The following IL1RAPL2 variants were observed in gnomAD, a reference collection of about 807,000 sequenced individuals.
IL1RAPL2 encodes X-linked interleukin-1 receptor accessory protein-like 2.
Under a neutral mutation model 44.1 loss-of-function variants are expected in IL1RAPL2, and 3 were observed. That is an observed-to-expected ratio of 0.07 (90% CI 0.03 to 0.18). The LOEUF (loss-of-function observed/expected upper bound fraction) is 0.18. Ranked by LOEUF, IL1RAPL2 falls within the 10% of genes least tolerant of loss-of-function variation. IL1RAPL2 has a pLI of 1.00. For synonymous variants in IL1RAPL2, 181 were observed against 178.8 expected (o/e 1.01, Z -0.10); for missense variants, 391 against 496.4 (o/e 0.79, Z 2.02).
chrX:104,747,274 T>C (rs999439053), intron 2 of IL1RAPL2, among the ~76,000 whole-genome samples: 2 of 111,632 alleles, frequency 1.8e-5, no homozygotes, highest in Non-Finnish European at 3.8e-5. Flanking sequence ...TTCCTTTATG[T>C]GTATTCCTGT....
intron 6 of IL1RAPL2, among the ~76,000 whole-genome samples, chrX:105,646,426 G>A (rs1453922300): frequency 9.0e-6 from 1 of 111,727 alleles, no homozygotes; most frequent in Non-Finnish European, 1.9e-5. Context: ...AGAGATAGCC[G>A]TTTTAGGAGC....
At chrX:105,523,443 G>C (rs1423099260) in intron 6 of IL1RAPL2, among the ~76,000 whole-genome samples, 1 of 111,243 alleles carries the variant, frequency 9.0e-6, no homozygotes, top group Non-Finnish European at 1.9e-5. Context: ...CACAGAGCCT[G>C]GTACATACTA....
At chrX:105,540,988 T>A (rs997107899) in intron 6 of IL1RAPL2, among the ~76,000 whole-genome samples, 1 of 85,858 alleles carries the variant, frequency 1.2e-5, no homozygotes, top group African/African-American at 4.0e-5. Flanking sequence ...TATATATATA[T>A]ATATAAAATC....
At chrX:105,751,486 CTGATA>C (rs772621943) in intron 9 of IL1RAPL2, among the ~76,000 whole-genome samples, 60 of 111,302 alleles carry the variant, frequency 5.4e-4, no homozygotes, top group Non-Finnish European at 9.4e-4. Context: ...TAATTTTATG[CTGATA>C]TGATATAATT....
intron 5 of IL1RAPL2, among the ~76,000 whole-genome samples, chrX:105,299,117 AATAC>A (rs1353805326): frequency 8.9e-6 from 1 of 111,896 alleles, no homozygotes; most frequent in Admixed American, 9.5e-5. Flanking sequence ...TTGTTGTTAT[AATAC>A]ATATAAGATC....
At chrX:104,906,566 T>G (rs756597425) in intron 2 of IL1RAPL2, among the ~76,000 whole-genome samples, 10 of 112,104 alleles carry the variant, frequency 8.9e-5, no homozygotes, top group African/African-American at 2.3e-4. Flanking sequence ...GAGATAATCA[T>G]GTGGTTTTTG....
intron 1 of IL1RAPL2, among the ~76,000 whole-genome samples, chrX:104,654,445 G>GA (rs1015261830): frequency 2.8e-5 from 3 of 108,075 alleles, no homozygotes; most frequent in East Asian, 2.9e-4. Context: ...ACACCGTGGG[G>GA]AAAAAAAAAT....
At position 105,764,714 on chromosome X, in the gene IL1RAPL2, G is replaced by T. The variant is rs1250897253; in HGVS notation, c.1364-2250G>T. Reference sequence around the variant, plus strand: ...CTAGCTACTGAGGAGGCTGAGGCAGGAGGATTGCTTGAGATCAAGAGGTCG... The same window carrying T: ...CTAGCTACTGAGGAGGCTGAGGCAGTAGGATTGCTTGAGATCAAGAGGTCG... On this transcript the variant is annotated intron_variant, in intron 10 of 10. Coordinates refer to ENST00000372582, the MANE Select transcript of IL1RAPL2 (RefSeq NM_017416.2). 4.1e-4 allele frequency among the ~76,000 whole-genome samples: 46 copies of T among 111,256 alleles called. No individual in the cohort carries two copies. The Admixed American group carries it at 4.4e-3, about 11-fold the overall frequency.
At chrX:105,029,905 C>T (rs1354751545) in intron 2 of IL1RAPL2, among the ~76,000 whole-genome samples, 1 of 111,450 alleles carries the variant, frequency 9.0e-6, no homozygotes, top group Non-Finnish European at 1.9e-5. Flanking sequence ...ACATCCTCTC[C>T]AGAACCTGTT....
rs1035111172 is a variant in IL1RAPL2 at position 105,422,940 on chromosome X, T to C, written c.698-61373T>C. ...GAGGACCAAAACAAGACAACAATTGTCTGCAGATGACAAAAAGTTTTAGGG... is the reference window on the plus strand; with the variant it reads ...GAGGACCAAAACAAGACAACAATTGCCTGCAGATGACAAAAAGTTTTAGGG... On this transcript the variant is annotated intron_variant, in intron 5 of 10. Coordinates refer to ENST00000372582, the MANE Select transcript of IL1RAPL2 (RefSeq NM_017416.2). Among the ~76,000 whole-genome samples the C allele has an allele frequency of 2.5e-4, 28 of 111,210 alleles. 1 individual carries two copies. In the Admixed American group the frequency reaches 2.6e-3, roughly 10 times the overall value.
intron 5 of IL1RAPL2, among the ~76,000 whole-genome samples, chrX:105,347,636 C>T (rs1475921695): frequency 9.1e-6 from 1 of 110,164 alleles, no homozygotes; most frequent in Non-Finnish European, 1.9e-5. Context: ...ACCTGGGCTA[C>T]CTGGTTACGG....
chrX:105,297,100 G>A (rs897639715), intron 5 of IL1RAPL2, among the ~76,000 whole-genome samples: 10 of 112,301 alleles, frequency 8.9e-5, no homozygotes, highest in African/African-American at 3.2e-4. Context: ...CTGAAGAGGT[G>A]ACATTTGGGC....
intron 3 of IL1RAPL2, among the ~76,000 whole-genome samples, chrX:105,207,230 T>TA (rs1327886884): frequency 4.6e-5 from 5 of 108,686 alleles, no homozygotes; most frequent in South Asian, 7.9e-4. Flanking sequence ...CAGAGGGTAC[T>TA]AAAAAAAAAG....
intron 2 of IL1RAPL2, among the ~76,000 whole-genome samples, chrX:104,722,826 A>C (rs1227491573): frequency 8.9e-6 from 1 of 112,008 alleles, no homozygotes; most frequent in East Asian, 2.8e-4. Flanking sequence ...GGAAACCAGC[A>C]GAATCTGACG....
chrX:104,863,285 G>A (rs754533005), intron 2 of IL1RAPL2, among the ~76,000 whole-genome samples: 1 of 111,673 alleles, frequency 9.0e-6, no homozygotes, highest in Non-Finnish European at 1.9e-5. Context: ...CCAGCCAGTT[G>A]ATAAATGTGG....
chrX:105,031,408 G>A (rs1277002556), intron 2 of IL1RAPL2, among the ~76,000 whole-genome samples: 2 of 111,275 alleles, frequency 1.8e-5, no homozygotes, highest in Non-Finnish European at 3.8e-5. Flanking sequence ...ACTATTTTGA[G>A]ATATGTTCCA....
At chrX:105,022,416 C>T (rs748470415) in intron 2 of IL1RAPL2, among the ~76,000 whole-genome samples, 188 of 111,492 alleles carry the variant, frequency 1.7e-3, no homozygotes, top group African/African-American at 5.9e-3. Context: ...CTAAAGGATT[C>T]ACAGTCACAC....
intron 8 of IL1RAPL2, among the ~76,000 whole-genome samples, chrX:105,744,926 C>T (rs774406866): frequency 4.6e-4 from 52 of 111,850 alleles, no homozygotes; most frequent in African/African-American, 1.5e-3. Flanking sequence ...GAATCTCTCT[C>T]TCTTCATTCT....
At chrX:105,282,029 G>A (rs1227575142) in intron 5 of IL1RAPL2, among the ~76,000 whole-genome samples, 1 of 111,541 alleles carries the variant, frequency 9.0e-6, no homozygotes, top group Non-Finnish European at 1.9e-5. Context: ...AAAAAGCAAA[G>A]AGCCATATAA....
Sources: gnomAD v4.1 joint callset for allele counts (sites outside exome capture counted in the v4.1 genomes callset) on GRCh38, gnomAD v4.1.1 for gene constraint, MANE v1.5 for transcripts, NCBI Gene and HGNC (gene_info 2026-07-23, HGNC 2026-07-21) for gene names.